The following SLC35D4 variants were observed in gnomAD, a reference collection of about 807,000 sequenced individuals.
The protein encoded by SLC35D4 is solute carrier family 35 member D4, also known as UDP-N-acetylglucosamine transporter SLC35D4.
At chr18:23,362,374 A>T in the SLC35D4 span, among the ~76,000 whole-genome samples, 3 of 152,156 alleles carry the variant, frequency 2.0e-5, no homozygotes, top group African/African-American at 7.2e-5. Context: ...TGAGGCAGGC[A>T]GATCACTTGA....
At chr18:23,308,140 G>A in the SLC35D4 span, among the ~76,000 whole-genome samples, 1 of 152,172 alleles carries the variant, frequency 6.6e-6, no homozygotes, top group Admixed American at 6.5e-5. Flanking sequence ...ATGTGGCCAG[G>A]GAAGCCTCTC....
At chr18:23,398,445 G>A in the SLC35D4 span, among the ~76,000 whole-genome samples, 446 of 152,100 alleles carry the variant, frequency 2.9e-3, 4 homozygotes, top group Non-Finnish European at 1.9e-3. Context: ...CAGGCCAAAG[G>A]GTATAAACTG....
chr18:23,268,791 C>CGT, the SLC35D4 span, among the ~76,000 whole-genome samples: 6 of 144,140 alleles, frequency 4.2e-5, no homozygotes, highest in Non-Finnish European at 9.0e-5. Flanking sequence ...GCCTGCTGTG[C>CGT]GTGTGTGTGT....
the SLC35D4 span, among the ~76,000 whole-genome samples, chr18:23,284,475 T>C: frequency 3.7e-3 from 565 of 152,324 alleles, 5 homozygotes; most frequent in African/African-American, 0.013. Context: ...TGAATCTACC[T>C]ATGACCTGTA....
the SLC35D4 span, among the ~76,000 whole-genome samples, chr18:23,417,883 G>A: frequency 5.9e-5 from 9 of 152,174 alleles, no homozygotes; most frequent in Non-Finnish European, 1.0e-4. Context: ...AGGCTATAAT[G>A]TGACAGCCAA....
chr18:23,312,636 GGAT>G, the SLC35D4 span, among the ~76,000 whole-genome samples: 1 of 152,146 alleles, frequency 6.6e-6, no homozygotes, highest in Admixed American at 6.5e-5. Context: ...TCCTCTGAAA[GGAT>G]GATGTGTTCT....
the SLC35D4 span, among the ~76,000 whole-genome samples, chr18:23,425,113 T>G: frequency 6.6e-6 from 1 of 152,198 alleles, no homozygotes; most frequent in African/African-American, 2.4e-5. Context: ...TTTTTATCTT[T>G]TATTTTTGGG....
At chr18:23,382,820 C>A in the SLC35D4 span, among the ~76,000 whole-genome samples, 1 of 152,254 alleles carries the variant, frequency 6.6e-6, no homozygotes, top group Non-Finnish European at 1.5e-5. Context: ...AAAATGACAA[C>A]TGTCTAAGCC....
chr18:23,349,888 C>T, the SLC35D4 span, among the ~76,000 whole-genome samples: 6 of 152,106 alleles, frequency 3.9e-5, no homozygotes, highest in Non-Finnish European at 5.9e-5. Flanking sequence ...CTGTATTCAC[C>T]GAGTCTTTGC....
At chr18:23,344,976 T>A in the SLC35D4 span, among the ~76,000 whole-genome samples, 1 of 152,254 alleles carries the variant, frequency 6.6e-6, no homozygotes, top group Non-Finnish European at 1.5e-5. Context: ...AATTATTTTA[T>A]GACTTATGCT....
the SLC35D4 span, among the ~76,000 whole-genome samples, chr18:23,256,387 C>A: frequency 1.3e-5 from 2 of 152,216 alleles, no homozygotes; most frequent in African/African-American, 2.4e-5. Context: ...GGACTTAGAT[C>A]CTTGTAAGAT....
chr18:23,262,166 G>A, the SLC35D4 span, among the ~76,000 whole-genome samples: 1 of 152,214 alleles, frequency 6.6e-6, no homozygotes, highest in African/African-American at 2.4e-5. Context: ...AATAGTGCCA[G>A]CTTCAGAGGT....
chr18:23,385,687 A>T, the SLC35D4 span, among the ~76,000 whole-genome samples: 31 of 152,274 alleles, frequency 2.0e-4, no homozygotes, highest in Non-Finnish European at 4.6e-4. Flanking sequence ...CCACACTGGG[A>T]AACAGGATGG....
the SLC35D4 span, among the ~76,000 whole-genome samples, chr18:23,367,939 A>T: frequency 6.6e-6 from 1 of 152,100 alleles, no homozygotes. Flanking sequence ...TATAATGAAG[A>T]AATTCTACTA....
the SLC35D4 span, chr18:23,376,906 G>A: frequency 2.2e-6 from 1 of 456,752 alleles, no homozygotes; most frequent in Non-Finnish European, 4.4e-6. Flanking sequence ...GGATAGTCTT[G>A]AAGTTTGGTT....
chr18:23,426,470 GGAC>G, the SLC35D4 span, among the ~76,000 whole-genome samples: 1 of 152,018 alleles, frequency 6.6e-6, no homozygotes, highest in Admixed American at 6.6e-5. Context: ...GGGATGTGAA[GGAC>G]CTCTCCAAGG....
chr18:23,322,359 T>A, the SLC35D4 span, among the ~76,000 whole-genome samples: 3 of 152,254 alleles, frequency 2.0e-5, no homozygotes, highest in South Asian at 6.2e-4. Context: ...TGTCCATATG[T>A]TCTCTTGGTT....
At chr18:23,397,372 C>T in the SLC35D4 span, among the ~76,000 whole-genome samples, 1 of 152,176 alleles carries the variant, frequency 6.6e-6, no homozygotes, top group African/African-American at 2.4e-5. Context: ...TGGTCTCTTT[C>T]CACTAAAGTT....
At chr18:23,372,782 C>T in the SLC35D4 span, among the ~76,000 whole-genome samples, 2 of 152,280 alleles carry the variant, frequency 1.3e-5, no homozygotes, top group Non-Finnish European at 2.9e-5. Context: ...GTTTCCCTCC[C>T]CTTTGCTCCA....
Sources: allele counts gnomAD v4.1 joint callset (sites outside exome capture counted in the v4.1 genomes callset), GRCh38; gene constraint gnomAD v4.1.1; transcripts MANE v1.5; gene names NCBI Gene and HGNC (gene_info 2026-07-23, HGNC 2026-07-21).